IGF2R: variants seen among roughly 807,000 people sequenced by gnomAD.
IGF2R encodes insulin like growth factor 2 receptor, also known as cation-independent mannose-6-phosphate receptor.
In IGF2R, 91 loss-of-function variants were observed where a neutral mutation model predicts 270.6. That is an observed-to-expected ratio of 0.34 (90% CI 0.28 to 0.40). The LOEUF (loss-of-function observed/expected upper bound fraction) is 0.40, where lower values mean the gene tolerates loss of function less well. IGF2R is among the 10% of genes least tolerant of loss of function. IGF2R has a pLI of 1.00. For synonymous variants in IGF2R, 1,316 were observed against 1,258.9 expected (o/e 1.05, Z -0.96); for missense variants, 2,805 against 3,188.3 (o/e 0.88, Z 2.90).
At position 160,107,033 on chromosome 6, in the gene IGF2R, CCT is replaced by C. The variant is rs1491322468; in HGVS notation, c.*1950_*1951del. ...TAGACTCAACATCCTATTCTCCATC[CCT>C]TTTTTTTTCCTGTAGAGTCCAAAAA... On this transcript the variant is annotated 3_prime_UTR_variant, in exon 48 of 48. Coordinates refer to ENST00000356956, the MANE Select transcript of IGF2R (RefSeq NM_000876.4). 2 of 152,148 alleles carry C rather than the reference CCT, an allele frequency of 1.3e-5. No individual in the cohort carries two copies. The highest frequency in any genetic ancestry group is 6.5e-5 in the Admixed American group (1 of 15,278). 9.4% of individuals were successfully genotyped at this position (152,148 alleles called of 1,614,324 possible). A position where few individuals can be genotyped will look rare whatever the true frequency, so the allele number is the denominator to read the frequency against.
intron 2 of IGF2R, among the ~76,000 whole-genome samples, chr6:160,002,956 G>T (rs547057759): frequency 1.3e-5 from 2 of 152,226 alleles, no homozygotes; most frequent in Middle Eastern, 3.4e-3. Context: ...ATTTCAGGAA[G>T]CCTGTTACCA....
chr6:159,980,064 C>T (rs956516718), intron 1 of IGF2R, among the ~76,000 whole-genome samples: 5 of 151,882 alleles, frequency 3.3e-5, no homozygotes, highest in African/African-American at 1.2e-4. Flanking sequence ...GCCTGTAGTC[C>T]CAGCTACTCG....
At chr6:160,029,714 G>A (rs1398510846) in intron 7 of IGF2R, 59 bp downstream of exon 7, 7 of 1,258,918 alleles carry the variant, frequency 5.6e-6, no homozygotes, top group Admixed American at 1.8e-5. Flanking sequence ...TTGCCCATGC[G>A]AACGCGTTTC....
chr6:160,029,271 C>G (rs1484501733), intron 6 of IGF2R, among the ~76,000 whole-genome samples: 1 of 152,228 alleles, frequency 6.6e-6, no homozygotes, highest in Non-Finnish European at 1.5e-5. Flanking sequence ...TGAGCCATCG[C>G]ACCCAGCCAG....
rs1779633831 is a variant in IGF2R, at chr6:160,106,928, C to T, written c.*1844C>T. 1 of 152,136 alleles carries T rather than the reference C, an allele frequency of 6.6e-6. No individual in the cohort carries two copies. 9.4% of individuals were successfully genotyped at this position (152,136 alleles called of 1,614,324 possible). A position where few individuals can be genotyped will look rare whatever the true frequency, so the allele number is the denominator to read the frequency against. On this transcript the variant is annotated 3_prime_UTR_variant, in exon 48 of 48. Coordinates refer to ENST00000356956, the MANE Select transcript of IGF2R (RefSeq NM_000876.4). ...CTCTTGAGTAAACTCACTGAGTTTTCCATCTTAAATTACTCAGCAGTGACT... is the reference window on the plus strand; with the variant it reads ...CTCTTGAGTAAACTCACTGAGTTTTTCATCTTAAATTACTCAGCAGTGACT...
intron 19 of IGF2R, among the ~76,000 whole-genome samples, chr6:160,051,490 T>C (rs185764884): frequency 6.6e-6 from 1 of 152,310 alleles, no homozygotes; most frequent in East Asian, 1.9e-4. Flanking sequence ...AAGGATGACC[T>C]TGATTCTCAG....
chr6:159,998,814 A>G lies in IGF2R; in HGVS notation c.289+7491A>G, dbSNP rs1268212862. 2.6e-5 allele frequency among the ~76,000 whole-genome samples: 4 copies of G among 152,228 alleles called. No homozygotes were observed. Among genetic ancestry groups the G allele is most frequent in the Admixed American group, 2.6e-4 (4 of 15,278 alleles). On this transcript the variant is annotated intron_variant, in intron 2 of 47. Coordinates refer to ENST00000356956, the MANE Select transcript of IGF2R (RefSeq NM_000876.4). This position sits in a 1 kb window ranked among gnomAD's most constrained non-coding sequence, Gnocchi z 4.1. ...GTAGCATAGGGATAATCCCGAATCA[A>G]ATCTAATTTGCATATACAATAAAAA...
intron 2 of IGF2R, 132 bp from the exon 3 acceptor site, chr6:160,008,878 G>C: frequency 1.1e-6 from 1 of 904,428 alleles, no homozygotes; most frequent in Non-Finnish European, 1.7e-6. Context: ...AAAATTCTGG[G>C]AAAGGACAGT....
intron 4 of IGF2R, among the ~76,000 whole-genome samples, chr6:160,011,556 T>TG (rs1784335401): frequency 6.6e-6 from 1 of 151,542 alleles, no homozygotes; most frequent in South Asian, 2.1e-4. Flanking sequence ...ATTTCGTTTT[T>TG]TTTTTTTTTT....
In IGF2R at chr6:160,047,895, ACGAC is replaced by A; in HGVS notation, c.2335_2338del (p.Asp779SerfsTer38). The A allele has an allele frequency of 6.2e-7, 1 of 1,608,512 alleles. No homozygotes were observed. The highest frequency in any genetic ancestry group is 8.5e-7 in the Non-Finnish European group (1 of 1,174,892). The stretch of plus-strand genomic sequence containing the variant: ...ACCGACCCCTCCACGCTGGAGCAGT[ACGAC>A]CTCTCCAGGTGAGGCAGAGTCAGCT... On this transcript the variant is annotated frameshift_variant, in exon 17 of 48. Transcript: ENST00000356956. LOFTEE classifies it high-confidence loss of function.
intron 44 of IGF2R, chr6:160,093,646 C>T (rs1245694086): frequency 2.7e-6 from 2 of 737,232 alleles, no homozygotes; most frequent in Non-Finnish European, 5.1e-6. Context: ...AGGTAAACTT[C>T]CGTGGATTCC....
chr6:160,050,841 C>T lies in IGF2R; in HGVS notation c.2694+189C>T, dbSNP rs534307308. 6.6e-6 allele frequency among the ~76,000 whole-genome samples: 1 copy of T among 152,248 alleles called. No individual in the cohort carries two copies. Among genetic ancestry groups the T allele is most frequent in the East Asian group, 1.9e-4 (1 of 5,184 alleles). ...GTGATTTGTGGTACCTTCATGGCTGCGATTTCTGAAGTGTAAGCCTCATCT... is the reference window on the plus strand; with the variant it reads ...GTGATTTGTGGTACCTTCATGGCTGTGATTTCTGAAGTGTAAGCCTCATCT... On this transcript the variant is annotated intron_variant, in intron 19 of 47. Transcript: ENST00000356956. The surrounding 1 kb of genome is among the most constrained non-coding windows in gnomAD (Gnocchi z 4.0).
chr6:160,103,755 G>A lies in IGF2R; in HGVS notation c.7005G>A (p.Val2335=). 6.2e-7 allele frequency: 1 copy of A among 1,608,646 alleles called. No individual in the cohort carries two copies. The highest frequency in any genetic ancestry group is 8.5e-7 in the Non-Finnish European group (1 of 1,175,072). The change falls in exon 47 of 48, where the codon GTG becomes GTA. Residue 2335 remains valine, a synonymous_variant. Coordinates refer to ENST00000356956, the MANE Select transcript of IGF2R (RefSeq NM_000876.4). The part of the protein sequence containing the change: ...LLYKKERRET[V]ISKLTTCCRR... Reference sequence around the variant, plus strand: ...TCCTTTTTTTTTATAGGGAAACAGTGATAAGTAAGCTGACCACTTGCTGTA... The same window carrying A: ...TCCTTTTTTTTTATAGGGAAACAGTAATAAGTAAGCTGACCACTTGCTGTA...
At chr6:159,976,831 C>T (rs997347571) in intron 1 of IGF2R, among the ~76,000 whole-genome samples, 1 of 152,048 alleles carries the variant, frequency 6.6e-6, no homozygotes, top group Non-Finnish European at 1.5e-5. Flanking sequence ...ACTGACATTT[C>T]CCTTGTGGCC....
chr6:159,994,583 T>A (rs1238547454), intron 2 of IGF2R, among the ~76,000 whole-genome samples: 1 of 152,190 alleles, frequency 6.6e-6, no homozygotes, highest in Non-Finnish European at 1.5e-5. Flanking sequence ...CATTTAGTGC[T>A]ATAAACTTCC....
At chr6:159,990,365 G>A (rs1783957477) in intron 1 of IGF2R, among the ~76,000 whole-genome samples, 2 of 152,146 alleles carry the variant, frequency 1.3e-5, no homozygotes, top group Non-Finnish European at 2.9e-5. Flanking sequence ...GGTCATGAGT[G>A]AGTTCTCACG....
chr6:159,987,568 T>TTAATAGAGACGTCTC, intron 1 of IGF2R, among the ~76,000 whole-genome samples: 1 of 152,320 alleles, frequency 6.6e-6, no homozygotes, highest in East Asian at 1.9e-4. Context: ...ATTTTTGTAT[T>TTAATAGAGACGTCTC]TTTAGTAGAG....
chr6:160,045,002 C>T (rs530559272), intron 13 of IGF2R, among the ~76,000 whole-genome samples: 4 of 152,228 alleles, frequency 2.6e-5, no homozygotes, highest in South Asian at 2.1e-4. Context: ...AAACATTGCC[C>T]GTGATCTCAC....
intron 36 of IGF2R, 128 bp downstream of exon 36, chr6:160,076,124 AC>A: frequency 1.1e-6 from 1 of 886,090 alleles, no homozygotes; most frequent in South Asian, 1.5e-5. Context: ...GTAAGATGGT[AC>A]GCTAGTAGTG....
Sources: gnomAD v4.1 joint callset for allele counts (sites outside exome capture counted in the v4.1 genomes callset) on GRCh38, gnomAD v4.1.1 for gene constraint, Gnocchi (gnomAD v3.1) non-coding constraint, MANE v1.5 for transcripts, NCBI Gene and HGNC (gene_info 2026-07-23, HGNC 2026-07-21) for gene names.